The following PCDHA13 variants were observed in gnomAD, a reference collection of about 807,000 sequenced individuals.
PCDHA13 encodes protocadherin alpha 13, also known as protocadherin alpha-13.
Under a neutral mutation model 64.8 loss-of-function variants are expected in PCDHA13, and 54 were observed. The observed-to-expected ratio is 0.83, with a 90% CI of 0.67 to 1.04. PCDHA13 has a LOEUF of 1.04. Among genes scored for constraint, PCDHA13 ranks in the 50% least tolerant of loss-of-function variants. PCDHA13 has a pLI of 0.00. For synonymous variants in PCDHA13, 587 were observed against 564.4 expected, an observed-to-expected ratio of 1.04 and a Z score of -0.57; for missense variants, 1,248 against 1,254.3, an observed-to-expected ratio of 0.99 and a Z score of 0.08.
chr5:140,983,548 T>C (rs1479703561), intron 3 of PCDHA13, among the ~76,000 whole-genome samples: 1 of 152,212 alleles, frequency 6.6e-6, no homozygotes, highest in African/African-American at 2.4e-5. Context: ...GTCTCATTTA[T>C]TCCTTAAGTC....
intron 3 of PCDHA13, among the ~76,000 whole-genome samples, chr5:140,995,545 T>C (rs998594175): frequency 1.3e-5 from 2 of 152,206 alleles, no homozygotes; most frequent in Non-Finnish European, 2.9e-5. Flanking sequence ...TAAGGGGCGA[T>C]CACTGTACTG....
rs1554217734 is a variant in PCDHA13 at position 140,946,611 on chromosome 5, A to AATATATATATATATATATATATATATAT, written c.2395-32317_2395-32316insTATATATATATATATATATATATATATA. Among the ~76,000 whole-genome samples, 579 of 86,182 alleles carry AATATATATATATATATATATATATATAT rather than the reference A, an allele frequency of 6.7e-3. 16 individuals are homozygous for AATATATATATATATATATATATATATAT. The highest frequency in any genetic ancestry group is 0.011 in the Middle Eastern group (2 of 184). 56.5% of individuals were successfully genotyped at this position (86,182 alleles called of 152,430 possible). A position where few individuals can be genotyped will look rare whatever the true frequency, so the allele number is the denominator to read the frequency against. On this transcript the variant is annotated intron_variant, in intron 1 of 3. Transcript: ENST00000289272. ...GGATGAATAGATAAAGAAAATGTGA[A>AATATATATATATATATATATATATATAT]ATATATATATATATATATATACAAT...
chr5:140,911,778 A>G (rs2075636196), intron 1 of PCDHA13, among the ~76,000 whole-genome samples: 1 of 152,228 alleles, frequency 6.6e-6, no homozygotes, highest in Admixed American at 6.5e-5. Flanking sequence ...TACAGTCCTT[A>G]GCATTTTTGG....
intron 3 of PCDHA13, among the ~76,000 whole-genome samples, chr5:140,993,515 G>T (rs1351377291): frequency 6.7e-6 from 1 of 149,364 alleles, no homozygotes; most frequent in East Asian, 1.9e-4. Context: ...CACACGGGGA[G>T]AGAGAGACAG....
At chr5:140,964,454 T>C (rs1392277569) in intron 1 of PCDHA13, among the ~76,000 whole-genome samples, 1 of 152,132 alleles carries the variant, frequency 6.6e-6, no homozygotes, top group Admixed American at 6.5e-5. Flanking sequence ...CTGTAATCTC[T>C]TCCTTAAGTG....
intron 3 of PCDHA13, among the ~76,000 whole-genome samples, chr5:140,998,365 A>G (rs1434602564): frequency 6.6e-6 from 1 of 152,142 alleles, no homozygotes; most frequent in African/African-American, 2.4e-5. Context: ...ACCACTGCAC[A>G]CACCGTCTCT....
chr5:140,902,953 C>G (rs549407032), intron 1 of PCDHA13, among the ~76,000 whole-genome samples: 1 of 152,162 alleles, frequency 6.6e-6, no homozygotes, highest in East Asian at 1.9e-4. Context: ...TCTTTATCCA[C>G]TTGTTGGCTG....
chr5:141,001,999 A>G (rs1554258445), intron 3 of PCDHA13, among the ~76,000 whole-genome samples: 1 of 152,198 alleles, frequency 6.6e-6, no homozygotes, highest in African/African-American at 2.4e-5. Flanking sequence ...TTCACTTGCA[A>G]ACACAGAATC....
At chr5:140,910,985 A>G (rs1554194529) in intron 1 of PCDHA13, among the ~76,000 whole-genome samples, 1 of 151,754 alleles carries the variant, frequency 6.6e-6, no homozygotes, top group Non-Finnish European at 1.5e-5. Flanking sequence ...TATACTCTGA[A>G]CCTCACCCCT....
intron 1 of PCDHA13, among the ~76,000 whole-genome samples, chr5:140,974,864 C>A (rs949061887): frequency 3.9e-5 from 6 of 152,124 alleles, no homozygotes; most frequent in Non-Finnish European, 8.8e-5. Flanking sequence ...TGCCTTAATG[C>A]GGAACAGTCT....
At chr5:140,912,472 G>A (rs993404931) in intron 1 of PCDHA13, among the ~76,000 whole-genome samples, 4 of 151,836 alleles carry the variant, frequency 2.6e-5, no homozygotes, top group African/African-American at 9.7e-5. Context: ...GAACTTTACT[G>A]AATTCATTTA....
rs1200077477 is a variant in PCDHA13, at chr5:140,898,429, C to T, written c.2394+13767C>T. 2.1e-3 allele frequency among the ~76,000 whole-genome samples: 312 copies of T among 150,132 alleles called. 2 individuals are homozygous for T. Among genetic ancestry groups the T allele is most frequent in the African/African-American group, 7.3e-3 (294 of 40,066 alleles). On this transcript the variant is annotated intron_variant, in intron 1 of 3. Coordinates refer to ENST00000289272, the MANE Select transcript of PCDHA13 (RefSeq NM_018904.3). ...ATACGGCTAGCCAGTTTTCCCAGCACCATTTATTAAATAGGGAATCCTTTC... is the reference window on the plus strand; with the variant it reads ...ATACGGCTAGCCAGTTTTCCCAGCATCATTTATTAAATAGGGAATCCTTTC...
chr5:140,960,665 G>A (rs1180311598), intron 1 of PCDHA13, among the ~76,000 whole-genome samples: 2 of 152,066 alleles, frequency 1.3e-5, no homozygotes, highest in Non-Finnish European at 2.9e-5. Context: ...TGAATGCTTT[G>A]GCTAAAACCT....
intron 1 of PCDHA13, among the ~76,000 whole-genome samples, chr5:140,907,439 A>G (rs1217956706): frequency 6.6e-6 from 1 of 152,250 alleles, no homozygotes; most frequent in Admixed American, 6.5e-5. Context: ...CTGTGAGTCC[A>G]CAGATGGTAA....
At chr5:140,947,648 T>C (rs1476825159) in intron 1 of PCDHA13, among the ~76,000 whole-genome samples, 1 of 151,646 alleles carries the variant, frequency 6.6e-6, no homozygotes, top group Non-Finnish European at 1.5e-5. Context: ...TGAACATATA[T>C]ACCTCCATTT....
chr5:141,006,048 G>T (rs1158028347), intron 3 of PCDHA13, among the ~76,000 whole-genome samples: 1 of 150,984 alleles, frequency 6.6e-6, no homozygotes, highest in Non-Finnish European at 1.5e-5. Context: ...TTGTAGATGA[G>T]AGTGGAGAAG....
intron 1 of PCDHA13, among the ~76,000 whole-genome samples, chr5:140,940,236 A>G (rs1487572447): frequency 1.3e-5 from 2 of 152,200 alleles, no homozygotes; most frequent in East Asian, 3.8e-4. Flanking sequence ...TTGGTACATT[A>G]AAGTTACCTC....
intron 1 of PCDHA13, chr5:140,927,771 G>C: frequency 6.2e-7 from 1 of 1,614,210 alleles, no homozygotes; most frequent in Non-Finnish European, 8.5e-7. Flanking sequence ...GTGGGGAGGT[G>C]CAAGTAGCTG....
At chr5:140,921,588 T>C (rs534654717) in intron 1 of PCDHA13, among the ~76,000 whole-genome samples, 1 of 152,342 alleles carries the variant, frequency 6.6e-6, no homozygotes, top group African/African-American at 2.4e-5. Flanking sequence ...TACTATATTA[T>C]GGTTTCAAAG....
Sources: allele counts gnomAD v4.1 joint callset (sites outside exome capture counted in the v4.1 genomes callset), GRCh38; gene constraint gnomAD v4.1.1; transcripts MANE v1.5; gene names NCBI Gene and HGNC (gene_info 2026-07-23, HGNC 2026-07-21).